Variants in NFIB observed in about 807,000 individuals in gnomAD.
The protein encoded by NFIB is nuclear factor 1 B-type.
Under a neutral mutation model 61.5 loss-of-function variants are expected in NFIB, and 11 were observed. That is an observed-to-expected ratio of 0.18 (90% confidence interval 0.11 to 0.30). NFIB has a LOEUF of 0.30. Ranked by LOEUF, NFIB falls within the 10% of genes least tolerant of loss-of-function variation. The pLI, the probability that NFIB is intolerant of heterozygous loss-of-function variation, is 1.00. For missense variants in NFIB, 471 were observed against 608.9 expected (o/e 0.77, Z 2.38); for synonymous variants, 260 against 216.5 (o/e 1.20, Z -1.76).
At chr9:14,322,180 C>A (rs1446649139) in intron 1 of NFIB, 2 of 1,148,792 alleles carry the variant, frequency 1.7e-6, no homozygotes, top group Non-Finnish European at 2.2e-6. Context: ...GAAGAAAAGG[C>A]GGTCAAAGTC....
the NFIB span, among the ~76,000 whole-genome samples, chr9:14,523,770 G>A: frequency 6.6e-6 from 1 of 152,100 alleles, no homozygotes; most frequent in Non-Finnish European, 1.5e-5. Context: ...TAGAGATGAC[G>A]TTTGCTGACA....
At chr9:14,178,311 A>G (rs1266747500) in intron 3 of NFIB, among the ~76,000 whole-genome samples, 1 of 152,130 alleles carries the variant, frequency 6.6e-6, no homozygotes. Flanking sequence ...TTTTGACAAA[A>G]TTTATTATAT....
the NFIB span, among the ~76,000 whole-genome samples, chr9:14,438,098 G>A: frequency 2.0e-5 from 3 of 149,744 alleles, no homozygotes; most frequent in Admixed American, 2.0e-4. Context: ...TTGGTGGGGG[G>A]TAGATGAGGG....
At chr9:14,509,150 G>C in the NFIB span, among the ~76,000 whole-genome samples, 2 of 152,192 alleles carry the variant, frequency 1.3e-5, no homozygotes, top group Non-Finnish European at 2.9e-5. Context: ...ACATTAGTCA[G>C]CAAAACAGAC....
chr9:14,496,952 C>A, the NFIB span, among the ~76,000 whole-genome samples: 2 of 152,162 alleles, frequency 1.3e-5, no homozygotes, highest in Non-Finnish European at 2.9e-5. Context: ...GCATGGTCAC[C>A]AAATCAGAAA....
intron 1 of NFIB, chr9:14,361,767 T>C (rs1445206799): frequency 6.6e-6 from 1 of 152,192 alleles, no homozygotes; most frequent in Non-Finnish European, 1.5e-5. Flanking sequence ...CTTAGCCCTG[T>C]AATAGCCTAA....
intron 10 of NFIB, among the ~76,000 whole-genome samples, chr9:14,111,335 C>T (rs1280618909): frequency 6.6e-6 from 1 of 151,988 alleles, no homozygotes; most frequent in African/African-American, 2.4e-5. Context: ...ATTAAAGCTG[C>T]CATAGGTTAG....
At position 14,129,061 on chromosome 9, in the gene NFIB, G is replaced by A. The variant is rs13284590; in HGVS notation, c.926-3295C>T. 4.0e-5 allele frequency among the ~76,000 whole-genome samples: 6 copies of A among 151,790 alleles called. No individual in the cohort carries two copies. In the South Asian group the frequency reaches 6.2e-4, roughly 16 times the overall value. On this transcript the variant is annotated intron_variant, in intron 6 of 10. Transcript: ENST00000380953. ...GGCATGCACCTAATAATAACGGTAC[G>A]TTCATAGAGGATTATACAGACCAAC...
intron 10 of NFIB, among the ~76,000 whole-genome samples, chr9:14,099,238 A>T (rs945176497): frequency 6.6e-6 from 1 of 152,238 alleles, no homozygotes; most frequent in African/African-American, 2.4e-5. Context: ...GGCATCTACC[A>T]CAACAAAAAT....
intron 10 of NFIB, among the ~76,000 whole-genome samples, chr9:14,112,441 A>G (rs2119023550): frequency 6.6e-6 from 1 of 152,332 alleles, no homozygotes; most frequent in African/African-American, 2.4e-5. Context: ...AACATAAATG[A>G]TGTAAGAAAG....
chr9:14,355,647 C>G (rs2061167571), intron 1 of NFIB, among the ~76,000 whole-genome samples: 1 of 152,140 alleles, frequency 6.6e-6, no homozygotes, highest in Admixed American at 6.5e-5. Flanking sequence ...AGAAGTGCCC[C>G]ACGTTGGCTT....
chr9:14,374,029 C>G (rs1224260208), intron 1 of NFIB, among the ~76,000 whole-genome samples: 1 of 152,148 alleles, frequency 6.6e-6, no homozygotes, highest in Non-Finnish European at 1.5e-5. Flanking sequence ...TTTTATTTCT[C>G]CATGTCCTGG....
intron 2 of NFIB, among the ~76,000 whole-genome samples, chr9:14,284,190 G>A (rs1052296301): frequency 6.6e-6 from 1 of 152,104 alleles, no homozygotes; most frequent in Non-Finnish European, 1.5e-5. Flanking sequence ...CTGGGTAACT[G>A]TAATCATTAT....
intron 1 of NFIB, chr9:14,308,222 G>A (rs1287080374): frequency 1.3e-5 from 2 of 152,120 alleles, no homozygotes; most frequent in African/African-American, 4.8e-5. Context: ...TACAGTGAGG[G>A]AAAGTGGGCA....
intron 1 of NFIB, chr9:14,357,653 G>C (rs1038521605): frequency 9.9e-5 from 15 of 152,180 alleles, no homozygotes; most frequent in Admixed American, 6.5e-5. Flanking sequence ...TGGTTTAAGA[G>C]AAATGGAAAC....
At chr9:14,326,340 A>G (rs1348538275) in intron 1 of NFIB, among the ~76,000 whole-genome samples, 2 of 152,212 alleles carry the variant, frequency 1.3e-5, no homozygotes, top group Admixed American at 1.3e-4. Context: ...GACTTCAAGA[A>G]ATTACAAGAT....
chr9:14,095,892 G>T (rs2034701716), intron 10 of NFIB, among the ~76,000 whole-genome samples: 1 of 152,180 alleles, frequency 6.6e-6, no homozygotes, highest in South Asian at 2.1e-4. Flanking sequence ...GAAACAAAGT[G>T]AGCAAGAGAG....
At chr9:14,337,551 T>G (rs2060899216) in intron 1 of NFIB, among the ~76,000 whole-genome samples, 1 of 152,236 alleles carries the variant, frequency 6.6e-6, no homozygotes, top group South Asian at 2.1e-4. Context: ...TTCTTTGAAT[T>G]AGACATTTTA....
chr9:14,414,523 T>A, the NFIB span, among the ~76,000 whole-genome samples: 1 of 150,566 alleles, frequency 6.6e-6, no homozygotes, highest in Admixed American at 6.6e-5. Flanking sequence ...TTTTTTTTTT[T>A]TTTTTTGGCA....
Sources: gnomAD v4.1 joint callset for allele counts (sites outside exome capture counted in the v4.1 genomes callset) on GRCh38, gnomAD v4.1.1 for gene constraint, MANE v1.5 for transcripts, NCBI Gene and HGNC (gene_info 2026-07-23, HGNC 2026-07-21) for gene names.